Variants in IFT172 observed in about 807,000 individuals in gnomAD.
IFT172 encodes intraflagellar transport protein 172 homolog.
IFT172 carries 164 observed loss-of-function variants against 248.9 expected under a neutral mutation model. The ratio of observed to expected loss-of-function variants is 0.66; its 90% CI spans 0.58 to 0.75. IFT172 has a LOEUF of 0.75. Ranked by LOEUF, IFT172 falls within the 30% of genes least tolerant of loss-of-function variation. The pLI, the probability that IFT172 is intolerant of heterozygous loss-of-function variation, is 0.00. For synonymous variants in IFT172, 729 were observed against 791.6 expected, an observed-to-expected ratio of 0.92 and a Z score of 1.33; for missense variants, 1,950 against 2,192.4, an observed-to-expected ratio of 0.89 and a Z score of 2.21.
chr2:27,485,637 T>A (rs1437951691), intron 1 of IFT172, 134 bp from the exon 2 acceptor site: 16 of 1,038,638 alleles, frequency 1.5e-5, no homozygotes, highest in Non-Finnish European at 1.9e-5. Flanking sequence ...AACAAAGAGA[T>A]GCCTGTGGCC....
intron 16 of IFT172, among the ~76,000 whole-genome samples, chr2:27,469,462 G>C (rs1225589694): frequency 6.6e-6 from 1 of 152,184 alleles, no homozygotes; most frequent in African/African-American, 2.4e-5. Context: ...TCATTCCAGA[G>C]GGAAGATTAG....
intron 8 of IFT172, among the ~76,000 whole-genome samples, chr2:27,480,406 G>C (rs1668276446): frequency 6.6e-6 from 1 of 152,116 alleles, no homozygotes; most frequent in Non-Finnish European, 1.5e-5. Context: ...AGAAAAATAA[G>C]CTACTAGGAG....
intron 12 of IFT172, 95 bp from the exon 13 acceptor site, chr2:27,477,415 C>A: frequency 2.4e-6 from 3 of 1,265,646 alleles, no homozygotes; most frequent in Non-Finnish European, 3.5e-6. Context: ...TACCACTTTT[C>A]TCCTTGTTCT....
chr2:27,472,690 C>T (rs1667660219), intron 14 of IFT172, among the ~76,000 whole-genome samples: 2 of 152,136 alleles, frequency 1.3e-5, no homozygotes, highest in African/African-American at 4.8e-5. Flanking sequence ...GAATCAATGA[C>T]CTTGATGGTC....
chr2:27,461,667 G>T, intron 21 of IFT172, 92 bp downstream of exon 21: 1 of 1,563,916 alleles, frequency 6.4e-7, no homozygotes, highest in South Asian at 1.1e-5. Context: ...CCCCAACCCT[G>T]TTCTGGTTTC....
At position 27,459,453 on chromosome 2, in the gene IFT172, A is replaced by G. The variant is rs1666449718; in HGVS notation, c.2712T>C (p.Asp904=). Residue 904 remains aspartate, a synonymous_variant, in exon 25 of 48, where the codon GAT becomes GAC. Transcript: ENST00000260570. ...TGGATGCAGTGTTCCGGTCCTGTAG[A>G]TCTAATATATAAATTGCCTTCTTCC... is the stretch of plus-strand genomic sequence containing the variant. ...RQWKKAIYIL[D]LQDRNTASKY... is the part of the protein sequence containing the mutation. 15 of 1,614,170 alleles carry G rather than the reference A, an allele frequency of 9.3e-6. No homozygotes were observed. The highest frequency in any genetic ancestry group is 1.3e-5 in the Non-Finnish European group (15 of 1,180,034).
At chr2:27,481,987 CTT>C (rs139411064) in intron 7 of IFT172, among the ~76,000 whole-genome samples, 60 of 140,802 alleles carry the variant, frequency 4.3e-4, no homozygotes, top group Admixed American at 7.1e-4. Flanking sequence ...AATAATTCTT[CTT>C]TTTTTTTTTT....
chr2:27,476,748 A>G (rs745622455), intron 13 of IFT172, 22 bp from the exon 14 acceptor site: 4 of 1,509,756 alleles, frequency 2.6e-6, no homozygotes, highest in Non-Finnish European at 3.7e-6. Context: ...AGGGTGAGGT[A>G]AGGCAAAATG....
Position 27,454,743 on chromosome 2 carries a change from A to G in IFT172, c.3372-83T>C. 8.8e-7 allele frequency: 1 copy of G among 1,132,294 alleles called. No individual in the cohort carries two copies. The highest frequency in any genetic ancestry group is 1.3e-6 in the Non-Finnish European group (1 of 763,592). The allele number at this position is 1,132,294 out of a possible 1,614,324, so 70.1% of individuals were successfully genotyped here. A position where few individuals can be genotyped will look rare whatever the true frequency, so the allele number is the denominator to read the frequency against. On this transcript the variant is annotated intron_variant, in intron 30 of 47. Transcript: ENST00000260570. The surrounding 1 kb of genome is among the most constrained non-coding windows in gnomAD (Gnocchi z 4.2). Reference sequence around the variant, plus strand: ...ACAAGACAAAACAGAGAAAGGACAGAGTTGAGGGGAGAAAAAGTGACAGAT... The same window carrying G: ...ACAAGACAAAACAGAGAAAGGACAGGGTTGAGGGGAGAAAAAGTGACAGAT...
intron 26 of IFT172, among the ~76,000 whole-genome samples, chr2:27,458,495 G>C (rs1389275092): frequency 6.6e-6 from 1 of 152,178 alleles, no homozygotes; most frequent in Non-Finnish European, 1.5e-5. Flanking sequence ...GTAGGCGCAA[G>C]AACAAAGTCA....
rs753217975 is a variant in IFT172, at chr2:27,481,165, A to G, written c.666T>C (p.Tyr222=). The part of the protein sequence containing the change: ...AAGCDRKIVA[Y]GKEGHMLQTF... Reference sequence around the variant, plus strand: ...TTTGTAGCATGTGACCTTCTTTTCCATAGGCTACAATTTTCCGATCACAGC... The same window carrying G: ...TTTGTAGCATGTGACCTTCTTTTCCGTAGGCTACAATTTTCCGATCACAGC... The change falls in exon 8 of 48, where the codon TAT becomes TAC. Residue 222 remains tyrosine, a synonymous_variant. Transcript: ENST00000260570. 8.7e-6 allele frequency: 14 copies of G among 1,613,390 alleles called. No homozygotes were observed. The South Asian group carries it at 1.5e-4, about 18-fold the overall frequency.
chr2:27,460,982 A>G, intron 23 of IFT172, 33 bp downstream of exon 23: 8 of 1,614,002 alleles, frequency 5.0e-6, no homozygotes, highest in Non-Finnish European at 6.8e-6. Flanking sequence ...AAGAGTCCAC[A>G]ACAGTAAAGG....
At chr2:27,488,509 G>C (rs1668930491) in intron 1 of IFT172, among the ~76,000 whole-genome samples, 1 of 152,122 alleles carries the variant, frequency 6.6e-6, no homozygotes, top group South Asian at 2.1e-4. Context: ...TCCCACCTTG[G>C]CCTCCCAAAT....
intron 16 of IFT172, among the ~76,000 whole-genome samples, chr2:27,467,613 CAAAAAAA>C (rs758559563): frequency 1.9e-5 from 1 of 53,136 alleles, no homozygotes; most frequent in East Asian, 6.6e-4. Context: ...ACCCTGTCTC[CAAAAAAA>C]AAAAAAAAAA....
intron 35 of IFT172, among the ~76,000 whole-genome samples, chr2:27,450,949 CTGTTTTTT>C: frequency 6.9e-6 from 1 of 145,268 alleles, no homozygotes; most frequent in South Asian, 2.2e-4. Flanking sequence ...TTATTTTTAC[CTGTTTTTT>C]TTTTTTTTTA....
intron 17 of IFT172, 83 bp downstream of exon 17, chr2:27,465,663 C>T (rs1003969703): frequency 6.3e-7 from 1 of 1,583,806 alleles, no homozygotes; most frequent in Non-Finnish European, 8.7e-7. Flanking sequence ...TTAGTGCTGG[C>T]CAGTTTTACA....
Position 27,478,172 on chromosome 2 carries a change from G to T in IFT172, c.1006-16C>A, listed in dbSNP as rs964615884. The T allele has an allele frequency of 1.9e-6, 3 of 1,613,962 alleles. No individual in the cohort carries two copies. Among genetic ancestry groups the T allele is most frequent in the Non-Finnish European group, 2.5e-6 (3 of 1,179,908 alleles). On this transcript the variant is annotated splice_polypyrimidine_tract_variant and intron_variant, in intron 10 of 47. Coordinates refer to ENST00000260570, the MANE Select transcript of IFT172 (RefSeq NM_015662.3). Reference sequence around the variant, plus strand: ...TCACAATCACCTTGGTAAAGGACAAGTGTGAGCCCCTTAGGCTTCCCCAGC... The same window carrying T: ...TCACAATCACCTTGGTAAAGGACAATTGTGAGCCCCTTAGGCTTCCCCAGC...
In IFT172 at chr2:27,485,038, G is replaced by A; in HGVS notation, c.276C>T (p.Val92=). Reference sequence around the variant, plus strand: ...CTCACCAATCTTCTCCAATCTTGTAGACATAGATGATGTTGTCAGTCTGTC... The same window carrying A: ...CTCACCAATCTTCTCCAATCTTGTAAACATAGATGATGTTGTCAGTCTGTC... ...AIGQTDNIIY[V]YKIGEDWGDK... Residue 92 remains valine, a synonymous_variant, in exon 3 of 48, where the codon GTC becomes GTT. Transcript: ENST00000260570. 6.3e-7 allele frequency: 1 copy of A among 1,584,382 alleles called. No homozygotes were observed.
chr2:27,487,601 A>T (rs1668860053), intron 1 of IFT172, among the ~76,000 whole-genome samples: 1 of 152,044 alleles, frequency 6.6e-6, no homozygotes, highest in Non-Finnish European at 1.5e-5. Flanking sequence ...TATTTAATTA[A>T]TTTATTTTTT....
Sources: gnomAD v4.1 joint callset for allele counts (sites outside exome capture counted in the v4.1 genomes callset) on GRCh38, gnomAD v4.1.1 for gene constraint, Gnocchi (gnomAD v3.1) non-coding constraint, MANE v1.5 for transcripts, NCBI Gene and HGNC (gene_info 2026-07-23, HGNC 2026-07-21) for gene names.